PHACTR1: variants seen among roughly 807,000 people sequenced by gnomAD.
The protein encoded by PHACTR1 is RPEL repeat containing 1.
PHACTR1 carries 16 observed loss-of-function variants against 69.2 expected under a neutral mutation model. That is an observed-to-expected ratio of 0.23 (90% CI 0.16 to 0.35). The LOEUF is 0.35. Among genes scored for constraint, PHACTR1 ranks in the 10% least tolerant of loss-of-function variants. The probability of loss-of-function intolerance (pLI) is 1.00; values close to 1 mark genes in which losing one functional copy is unlikely to be tolerated. For missense variants in PHACTR1, 510 were observed against 734.7 expected (o/e 0.69, Z 3.54); for synonymous variants, 312 against 284.5 (o/e 1.10, Z -0.97).
At chr6:12,937,392 C>T (rs1789576577) in intron 4 of PHACTR1, among the ~76,000 whole-genome samples, 1 of 151,902 alleles carries the variant, frequency 6.6e-6, no homozygotes, top group Non-Finnish European at 1.5e-5. Flanking sequence ...TTTTGTTGCC[C>T]AGCTGGAGTG....
intron 4 of PHACTR1, among the ~76,000 whole-genome samples, chr6:12,914,500 A>G (rs1363169497): frequency 6.6e-6 from 1 of 152,180 alleles, no homozygotes; most frequent in African/African-American, 2.4e-5. Context: ...AGACATCTGT[A>G]TCACCAACCT....
At chr6:12,982,763 T>G (rs1292061462) in intron 4 of PHACTR1, among the ~76,000 whole-genome samples, 2 of 152,226 alleles carry the variant, frequency 1.3e-5, no homozygotes, top group African/African-American at 4.8e-5. Context: ...ATTGAACAAC[T>G]GGGGTCCAAA....
At chr6:12,817,256 T>C (rs1044429393) in intron 4 of PHACTR1, among the ~76,000 whole-genome samples, 5 of 152,344 alleles carry the variant, frequency 3.3e-5, no homozygotes, top group Non-Finnish European at 5.9e-5. Flanking sequence ...GGTCAAATTA[T>C]GAAGCAGGTG....
chr6:13,278,464 ACTCTAT>A (rs1395416945), intron 12 of PHACTR1, 135 bp downstream of exon 12: 16 of 693,756 alleles, frequency 2.3e-5, no homozygotes, highest in Non-Finnish European at 4.0e-5. Flanking sequence ...CCACTCTCTT[ACTCTAT>A]AAGACCTCTC....
intron 4 of PHACTR1, among the ~76,000 whole-genome samples, chr6:12,980,314 T>C (rs1008140159): frequency 1.3e-5 from 2 of 152,118 alleles, no homozygotes; most frequent in African/African-American, 4.8e-5. Context: ...TTCTATTTGC[T>C]CTTGCCAATC....
chr6:12,958,044 A>C, intron 4 of PHACTR1: 1 of 981,724 alleles, frequency 1.0e-6, no homozygotes, highest in Non-Finnish European at 1.2e-6. Flanking sequence ...TAAGGTAGGC[A>C]TTGGCGTCTG....
chr6:13,065,404 A>C (rs966228916), intron 5 of PHACTR1, among the ~76,000 whole-genome samples: 2 of 151,826 alleles, frequency 1.3e-5, no homozygotes, highest in African/African-American at 2.4e-5. Flanking sequence ...CAGAGGAGAG[A>C]GTTTCAGAAA....
chr6:12,798,797 C>T (rs1773378230), intron 4 of PHACTR1, among the ~76,000 whole-genome samples: 1 of 152,190 alleles, frequency 6.6e-6, no homozygotes, highest in Admixed American at 6.5e-5. Context: ...AGATGCATAC[C>T]ATGACATAGT....
chr6:12,931,318 T>C (rs1222918457), intron 4 of PHACTR1, among the ~76,000 whole-genome samples: 1 of 152,180 alleles, frequency 6.6e-6, no homozygotes, highest in African/African-American at 2.4e-5. Flanking sequence ...TTATTTTGGT[T>C]CATCTCCTTT....
chr6:12,743,099 C>T (rs568639541), intron 3 of PHACTR1, among the ~76,000 whole-genome samples: 2 of 151,990 alleles, frequency 1.3e-5, no homozygotes, highest in East Asian at 3.9e-4. Context: ...TGTTGCATTA[C>T]CCATTCCCTT....
chr6:12,998,695 A>T (rs1030350147), intron 4 of PHACTR1, among the ~76,000 whole-genome samples: 4 of 152,040 alleles, frequency 2.6e-5, no homozygotes, highest in Non-Finnish European at 5.9e-5. Context: ...GTTTAAATTT[A>T]AAAAAATCTT....
intron 5 of PHACTR1, among the ~76,000 whole-genome samples, chr6:13,134,486 C>A (rs1821202656): frequency 6.6e-6 from 1 of 152,130 alleles, no homozygotes. Context: ...TAATCTATAA[C>A]CTTACCCCCA....
chr6:12,982,030 C>T (rs1248415268), intron 4 of PHACTR1, among the ~76,000 whole-genome samples: 4 of 152,160 alleles, frequency 2.6e-5, no homozygotes, highest in Non-Finnish European at 5.9e-5. Context: ...CTCTCCCTTC[C>T]CAAATCCCAA....
chr6:12,741,790 A>G (rs959213670), intron 3 of PHACTR1, among the ~76,000 whole-genome samples: 2 of 150,932 alleles, frequency 1.3e-5, no homozygotes, highest in Non-Finnish European at 1.5e-5. Context: ...AAAATCACAC[A>G]CTGAGATTTT....
At chr6:13,145,766 A>G (rs1478640504) in intron 5 of PHACTR1, among the ~76,000 whole-genome samples, 1 of 152,220 alleles carries the variant, frequency 6.6e-6, no homozygotes, top group Non-Finnish European at 1.5e-5. Context: ...AGCCCTCATC[A>G]GAAGCCAAAA....
At chr6:12,905,244 A>T (rs542328358) in intron 4 of PHACTR1, among the ~76,000 whole-genome samples, 1 of 152,214 alleles carries the variant, frequency 6.6e-6, no homozygotes. Context: ...CAGTGTCCTC[A>T]TAGGAAGTCA....
At chr6:13,286,312 T>A in intron 14 of PHACTR1, 90 bp downstream of exon 14, 1 of 1,122,956 alleles carries the variant, frequency 8.9e-7, no homozygotes, top group Non-Finnish European at 1.2e-6. Flanking sequence ...GGGACATGAG[T>A]GGGTTGGAGG....
intron 4 of PHACTR1, among the ~76,000 whole-genome samples, chr6:12,980,747 G>T (rs183913904): frequency 6.6e-6 from 1 of 152,320 alleles, no homozygotes; most frequent in Admixed American, 6.5e-5. Context: ...AGACACTGGT[G>T]CAGACCAAAG....
At chr6:12,800,819 T>G (rs1773611114) in intron 4 of PHACTR1, among the ~76,000 whole-genome samples, 1 of 151,682 alleles carries the variant, frequency 6.6e-6, no homozygotes, top group East Asian at 1.9e-4. Context: ...GCCCTGGAGG[T>G]CCAAGGCTAC....
Sources: allele counts gnomAD v4.1 joint callset (sites outside exome capture counted in the v4.1 genomes callset), GRCh38; gene constraint gnomAD v4.1.1; transcripts MANE v1.5; gene names NCBI Gene and HGNC (gene_info 2026-07-23, HGNC 2026-07-21).